DACH2: variants seen among roughly 807,000 people sequenced by gnomAD.
DACH2 encodes dachshund family transcription factor 2.
DACH2 carries 17 observed loss-of-function variants against 35.8 expected under a neutral mutation model. The observed-to-expected ratio is 0.48, with a 90% confidence interval of 0.33 to 0.71. DACH2 has a LOEUF of 0.71. DACH2 is among the 30% of genes least tolerant of loss of function. The pLI, the probability that DACH2 is intolerant of heterozygous loss-of-function variation, is 0.02. For synonymous variants in DACH2, 195 were observed against 177.3 expected (o/e 1.10, Z -0.79); for missense variants, 469 against 472.7 (o/e 0.99, Z 0.07).
chrX:86,433,766 T>G (rs1352645814), intron 2 of DACH2, among the ~76,000 whole-genome samples: 1 of 111,881 alleles, frequency 8.9e-6, no homozygotes, highest in African/African-American at 3.2e-5. Context: ...GCTAGGAAAT[T>G]AAGCTTCTAC....
At chrX:86,700,286 G>A (rs1816936077) in intron 5 of DACH2, among the ~76,000 whole-genome samples, 1 of 111,147 alleles carries the variant, frequency 9.0e-6, no homozygotes, top group Non-Finnish European at 1.9e-5. Context: ...TTGGTCAAGT[G>A]TGAGTTCAGG....
chrX:86,610,418 T>TTTTCTTTCTTTC (rs1158163139), intron 3 of DACH2, among the ~76,000 whole-genome samples: 31 of 62,205 alleles, frequency 5.0e-4, no homozygotes, highest in African/African-American at 1.8e-3. Context: ...TCTTTCTTTC[T>TTTTCTTTCTTTC]TTTCTTTCTT....
intron 2 of DACH2, among the ~76,000 whole-genome samples, chrX:86,468,237 ATAT>A (rs370253131): frequency 1.8e-5 from 2 of 111,682 alleles, no homozygotes; most frequent in African/African-American, 3.3e-5. Flanking sequence ...CAAAAAGAAA[ATAT>A]TATGAAATAT....
rs2034067127 is a variant in DACH2 at position 86,283,073 on chromosome X, C to T, written c.489-93751C>T. 1.0e-4 allele frequency among the ~76,000 whole-genome samples: 2 copies of T among 19,438 alleles called. 1 individual carries two copies. The highest frequency in any genetic ancestry group is 1.4e-3 in the African/African-American group (2 of 1,481). 16.9% of individuals were successfully genotyped at this position (19,438 alleles called of 115,157 possible). On this transcript the variant is annotated intron_variant, in intron 1 of 11. Transcript: ENST00000373125. The stretch of plus-strand genomic sequence containing the variant: ...GATTACAGGCGTGAGCCACCGCGCC[C>T]GGCCCGACACTTCTTAAAAGAAGAC...
chrX:86,315,347 G>A (rs1485468920), intron 1 of DACH2, among the ~76,000 whole-genome samples: 2 of 112,020 alleles, frequency 1.8e-5, no homozygotes, highest in Non-Finnish European at 3.8e-5. Flanking sequence ...ACTGTTCATT[G>A]ACAAAGCATC....
intron 3 of DACH2, among the ~76,000 whole-genome samples, chrX:86,557,334 T>C (rs2039146130): frequency 9.0e-6 from 1 of 111,222 alleles, no homozygotes. Context: ...CATCACAACA[T>C]GTGGGTGGGC....
At chrX:86,331,266 G>A (rs367960204) in intron 1 of DACH2, among the ~76,000 whole-genome samples, 7 of 110,698 alleles carry the variant, frequency 6.3e-5, no homozygotes, top group Non-Finnish European at 1.3e-4. Context: ...GGCTGTCGGC[G>A]TCAGTAAATG....
intron 5 of DACH2, among the ~76,000 whole-genome samples, chrX:86,713,626 A>G (rs2041302454): frequency 9.0e-6 from 1 of 111,465 alleles, no homozygotes; most frequent in African/African-American, 3.3e-5. Context: ...CTGTAGAGGT[A>G]ATTGTTTGTA....
intron 6 of DACH2, among the ~76,000 whole-genome samples, chrX:86,727,466 A>G (rs1339915830): frequency 9.0e-6 from 1 of 111,510 alleles, no homozygotes; most frequent in Non-Finnish European, 1.9e-5. Flanking sequence ...TTTCAGATCA[A>G]AATTACATTT....
chrX:86,698,774 G>C (rs749917213), intron 5 of DACH2, among the ~76,000 whole-genome samples: 1 of 109,167 alleles, frequency 9.2e-6, no homozygotes, highest in Non-Finnish European at 1.9e-5. Context: ...GGTCTCAAGA[G>C]ACCTGCCTGT....
At chrX:86,747,938 A>T in intron 7 of DACH2, among the ~76,000 whole-genome samples, 1 of 112,350 alleles carries the variant, frequency 8.9e-6, no homozygotes. Flanking sequence ...TTTATGTAAT[A>T]TTCCAAATAC....
chrX:86,594,240 T>C (rs1310826961), intron 3 of DACH2, among the ~76,000 whole-genome samples: 1 of 111,796 alleles, frequency 8.9e-6, no homozygotes, highest in Non-Finnish European at 1.9e-5. Flanking sequence ...ACCTCTTTTG[T>C]TTTCTTAGTT....
At chrX:86,762,373 A>ATAAAT (rs1480132000) in intron 7 of DACH2, among the ~76,000 whole-genome samples, 8 of 111,362 alleles carry the variant, frequency 7.2e-5, no homozygotes, top group African/African-American at 2.6e-4. Context: ...AGCTTTTTGT[A>ATAAAT]TAAATTCTTA....
At position 86,343,588 on chromosome X, in the gene DACH2, C is replaced by A. The variant is rs773263794; in HGVS notation, c.489-33236C>A. Among the ~76,000 whole-genome samples, 6 of 110,988 alleles carry A rather than the reference C, an allele frequency of 5.4e-5. No homozygotes were observed. The South Asian group carries it at 2.3e-3, about 42-fold the overall frequency. On this transcript the variant is annotated intron_variant, in intron 1 of 11. Coordinates refer to ENST00000373125, the MANE Select transcript of DACH2 (RefSeq NM_053281.3). The stretch of plus-strand genomic sequence containing the variant: ...TCTAGAGGAAAAGAGAGAATGTAGC[C>A]CAAGCAGTAAAGGTCAAGAATAACA...
chrX:86,584,271 C>A (rs2039539874), intron 3 of DACH2, among the ~76,000 whole-genome samples: 1 of 110,699 alleles, frequency 9.0e-6, no homozygotes, highest in Non-Finnish European at 1.9e-5. Context: ...TTTATGGGCA[C>A]AGATTTATTC....
intron 3 of DACH2, among the ~76,000 whole-genome samples, chrX:86,567,403 T>C (rs943708398): frequency 7.3e-5 from 8 of 110,148 alleles, no homozygotes; most frequent in African/African-American, 2.6e-4. Flanking sequence ...TGGAGCAGAG[T>C]GGTAGGTATG....
intron 1 of DACH2, chrX:86,262,922 C>T: frequency 2.3e-5 from 14 of 621,772 alleles, no homozygotes; most frequent in Non-Finnish European, 2.7e-5. Context: ...AACAAACAAT[C>T]TCAGTCTCCC....
intron 1 of DACH2, among the ~76,000 whole-genome samples, chrX:86,153,161 G>A (rs1187443710): frequency 1.8e-5 from 2 of 111,171 alleles, no homozygotes; most frequent in Non-Finnish European, 3.8e-5. Flanking sequence ...TTAAATGGGT[G>A]CTTGAAGAAA....
At chrX:86,386,660 C>A (rs2036127250) in intron 2 of DACH2, among the ~76,000 whole-genome samples, 1 of 111,179 alleles carries the variant, frequency 9.0e-6, no homozygotes, top group Admixed American at 9.7e-5. Context: ...TAAATTGTTT[C>A]AGCTTTGGCC....
Sources: gnomAD v4.1 joint callset for allele counts (sites outside exome capture counted in the v4.1 genomes callset) on GRCh38, gnomAD v4.1.1 for gene constraint, MANE v1.5 for transcripts, NCBI Gene and HGNC (gene_info 2026-07-23, HGNC 2026-07-21) for gene names.